DLG5: variants seen among roughly 807,000 people sequenced by gnomAD.
DLG5 encodes the protein discs large MAGUK scaffold protein 5, also known as disks large homolog 5.
A neutral mutation model predicts 189.8 loss-of-function variants in DLG5; 48 were observed. The observed-to-expected ratio is 0.25, with a 90% CI of 0.20 to 0.32. DLG5 has a LOEUF of 0.32. DLG5 is among the 10% of genes least tolerant of loss of function. DLG5 has a pLI of 1.00. For synonymous variants in DLG5, 1,016 were observed against 1,054.1 expected, an observed-to-expected ratio of 0.96 and a Z score of 0.70; for missense variants, 2,160 against 2,544.7, an observed-to-expected ratio of 0.85 and a Z score of 3.25.
At chr10:77,936,747 T>C in the DLG5 span, among the ~76,000 whole-genome samples, 1 of 152,210 alleles carries the variant, frequency 6.6e-6, no homozygotes, top group Non-Finnish European at 1.5e-5. Flanking sequence ...TTGTCAAAAC[T>C]GGAGTGGGAA....
At chr10:77,792,802 G>A in intron 31 of DLG5, 1 of 453,322 alleles carries the variant, frequency 2.2e-6, no homozygotes, top group South Asian at 3.7e-5. Context: ...ATGGTTGGGG[G>A]AATCCCAGGG....
Position 77,821,890 on chromosome 10 carries a change from C to G in DLG5, c.2594G>C (p.Ser865Thr). 1.2e-6 allele frequency: 2 copies of G among 1,614,214 alleles called. No individual in the cohort carries two copies. The highest frequency in any genetic ancestry group is 8.5e-7 in the Non-Finnish European group (1 of 1,180,022). ...RKEPGPPGGSSSFLHKPFPGG... is the reference protein window; with the variant it reads ...RKEPGPPGGSTSFLHKPFPGG... Reference sequence around the variant, plus strand: ...AGGGAATGGCTTATGCAGAAAGGAGCTGCTGCCTCCTGGGGGGCCTGGCTC... The same window carrying G: ...AGGGAATGGCTTATGCAGAAAGGAGGTGCTGCCTCCTGGGGGGCCTGGCTC... The change falls in exon 15 of 32, where the codon AGC becomes ACC. Residue 865 changes from serine to threonine, a missense_variant. By Grantham distance (58) the Ser-to-Thr change is moderately conservative. Coordinates refer to ENST00000372391, the MANE Select transcript of DLG5 (RefSeq NM_004747.4).
chr10:77,823,832 T>C (rs1842487137), intron 14 of DLG5, among the ~76,000 whole-genome samples: 1 of 151,964 alleles, frequency 6.6e-6, no homozygotes, highest in South Asian at 2.1e-4. Context: ...GCTTCTTCCT[T>C]TCATTTTTGA....
chr10:77,873,904 C>T (rs1845003250), intron 1 of DLG5, among the ~76,000 whole-genome samples: 1 of 152,208 alleles, frequency 6.6e-6, no homozygotes, highest in Non-Finnish European at 1.5e-5. Context: ...TCTGGGGTCC[C>T]TGAAGACAGA....
rs1246105969 is a variant in DLG5, at chr10:77,830,865, A to T, written c.1757T>A (p.Met586Lys). 2 of 1,613,974 alleles carry T rather than the reference A, an allele frequency of 1.2e-6. No individual in the cohort carries two copies. Among genetic ancestry groups the T allele is most frequent in the South Asian group, 2.2e-5 (2 of 91,032 alleles). Residue 586 changes from methionine to lysine, a missense_variant, in exon 10 of 32, where the codon ATG becomes AAG. Physicochemically the swap from Met to Lys is moderately conservative, Grantham distance 95. This residue lies in a region of DLG5 where 664 missense variants were observed against 838.5 expected (regional missense o/e 0.79). Transcript: ENST00000372391. ...GGCCTCCTTTTCCAACTGGGATTCC[A>T]TCTGTTCCCTGTGAACAGAGAGAGC... The part of the protein sequence containing the change: ...SRELKELKEQ[M>K]ESQLEKEARF...
At chr10:77,814,933 C>T (rs983661516) in intron 20 of DLG5, among the ~76,000 whole-genome samples, 3 of 152,072 alleles carry the variant, frequency 2.0e-5, no homozygotes, top group Non-Finnish European at 2.9e-5. Context: ...ATCTGGGAAA[C>T]GGGGCCATTT....
intron 29 of DLG5, among the ~76,000 whole-genome samples, chr10:77,795,304 G>A (rs1451365771): frequency 1.3e-5 from 2 of 152,196 alleles, no homozygotes; most frequent in African/African-American, 4.8e-5. Flanking sequence ...CGAATGAAGA[G>A]CCAGAGTCTG....
At chr10:77,860,567 C>T (rs1297279419) in intron 2 of DLG5, among the ~76,000 whole-genome samples, 1 of 152,220 alleles carries the variant, frequency 6.6e-6, no homozygotes, top group Non-Finnish European at 1.5e-5. Flanking sequence ...TCCCAAAGTG[C>T]TGGGATTACA....
At chr10:77,820,350 GAAA>G in intron 15 of DLG5, 15 of 143,664 alleles carry the variant, frequency 1.0e-4, no homozygotes, top group South Asian at 6.1e-4. Context: ...CATCTTAGGG[GAAA>G]AAAAAAAAAA....
rs955697177 is a variant in DLG5 at position 77,793,822 on chromosome 10, C to A, written c.5656+186G>T. ...AAGATCGGTGAGCTTAACATTCAACCTGTAAGAATCCTGACGTTGGCCAGG... is the reference window on the plus strand; with the variant it reads ...AAGATCGGTGAGCTTAACATTCAACATGTAAGAATCCTGACGTTGGCCAGG... On this transcript the variant is annotated intron_variant, in intron 31 of 31. Coordinates refer to ENST00000372391, the MANE Select transcript of DLG5 (RefSeq NM_004747.4). 6 of 608,926 alleles carry A rather than the reference C, an allele frequency of 9.9e-6. No homozygotes were observed. The South Asian group carries it at 1.2e-4, about 12-fold the overall frequency. 37.7% of individuals were successfully genotyped at this position (608,926 alleles called of 1,614,324 possible).
chr10:77,865,315 T>C lies in DLG5; in HGVS notation c.373+3814A>G, dbSNP rs1461706161. ...CTGACCCAAAAGTCTGGGCCAGGAA[T>C]GAAGGATCAGAGGTCACAGGGCGTC... On this transcript the variant is annotated intron_variant, in intron 2 of 31. Coordinates refer to ENST00000372391, the MANE Select transcript of DLG5 (RefSeq NM_004747.4). Among the ~76,000 whole-genome samples, 6 of 152,232 alleles carry C rather than the reference T, an allele frequency of 3.9e-5. No individual in the cohort carries two copies. In the South Asian group the frequency reaches 1.2e-3, roughly 32 times the overall value.
intron 26 of DLG5, 40 bp downstream of exon 26, chr10:77,806,718 A>AGGCCCCCCCCCC: frequency 2.1e-4 from 286 of 1,333,458 alleles, no homozygotes; most frequent in Non-Finnish European, 2.9e-4. Context: ...GCCCTCGGCG[A>AGGCCCCCCCCCC]CCCCTGCCCC....
intron 1 of DLG5, among the ~76,000 whole-genome samples, chr10:77,896,646 G>A (rs901770588): frequency 4.6e-5 from 7 of 152,198 alleles, no homozygotes; most frequent in Admixed American, 6.5e-5. Flanking sequence ...TTCGAGACCA[G>A]CCCAGCAAAT....
At chr10:77,894,159 G>A (rs1229259787) in intron 1 of DLG5, among the ~76,000 whole-genome samples, 1 of 152,196 alleles carries the variant, frequency 6.6e-6, no homozygotes, top group African/African-American at 2.4e-5. Context: ...TACAAAAACA[G>A]CAAGGTATCT....
chr10:77,880,224 C>T (rs1012694997), intron 1 of DLG5, among the ~76,000 whole-genome samples: 10 of 152,048 alleles, frequency 6.6e-5, no homozygotes, highest in Non-Finnish European at 1.5e-4. Flanking sequence ...GAGGCCAAGA[C>T]GGGTGGATCA....
chr10:77,812,490 G>A (rs1455402806), intron 20 of DLG5, 113 bp from the exon 21 acceptor site: 1 of 1,249,868 alleles, frequency 8.0e-7, no homozygotes, highest in Non-Finnish European at 1.1e-6. Context: ...CCCCGAGCCT[G>A]GATGCTCCCA....
At chr10:77,794,212 G>C in intron 30 of DLG5, 95 bp from the exon 31 acceptor site, 4 of 1,087,460 alleles carry the variant, frequency 3.7e-6, no homozygotes, top group Non-Finnish European at 5.6e-6. Context: ...CATCAAGGCA[G>C]GGGTAGGCTG....
chr10:77,828,112 T>C (rs1279188660), intron 13 of DLG5, among the ~76,000 whole-genome samples: 1 of 152,122 alleles, frequency 6.6e-6, no homozygotes, highest in Non-Finnish European at 1.5e-5. Context: ...CATTTAAAAG[T>C]CACAACACAA....
intron 1 of DLG5, among the ~76,000 whole-genome samples, chr10:77,907,171 G>GA (rs761315322): frequency 6.6e-6 from 1 of 152,178 alleles, no homozygotes; most frequent in Non-Finnish European, 1.5e-5. Context: ...ACCACACCCT[G>GA]AGTTGGGGGT....
Sources: allele counts gnomAD v4.1 joint callset (sites outside exome capture counted in the v4.1 genomes callset), GRCh38; gene constraint gnomAD v4.1.1; regional missense constraint gnomAD v4.1.1; transcripts MANE v1.5; gene names NCBI Gene and HGNC (gene_info 2026-07-23, HGNC 2026-07-21).